The following DAB1 variants were observed in gnomAD, a reference collection of about 807,000 sequenced individuals.
The protein encoded by DAB1 is DAB adaptor protein 1.
DAB1 carries 15 observed loss-of-function variants against 64.6 expected under a neutral mutation model. That is an observed-to-expected ratio of 0.23 (90% CI 0.16 to 0.36). The LOEUF is 0.36. Among genes scored for constraint, DAB1 ranks in the 10% least tolerant of loss-of-function variants. The pLI is 1.00. For missense variants in DAB1, 596 were observed against 706.7 expected, an observed-to-expected ratio of 0.84 and a Z score of 1.78; for synonymous variants, 235 against 251.9, an observed-to-expected ratio of 0.93 and a Z score of 0.64.
chr1:57,357,761 G>C (rs902257374), intron 1 of DAB1, among the ~76,000 whole-genome samples: 1 of 151,862 alleles, frequency 6.6e-6, no homozygotes, highest in Non-Finnish European at 1.5e-5. Context: ...CGGCAGGAGA[G>C]AGAAATGCCA....
chr1:58,444,730 G>C (rs546882396), intron 3 of DAB1, among the ~76,000 whole-genome samples: 26 of 152,300 alleles, frequency 1.7e-4, no homozygotes, highest in South Asian at 2.1e-4. Context: ...GGCACAGAAA[G>C]AAGAAAACTA....
At chr1:57,493,214 G>C (rs191506357) in intron 7 of DAB1, among the ~76,000 whole-genome samples, 1 of 152,132 alleles carries the variant, frequency 6.6e-6, no homozygotes, top group Admixed American at 6.5e-5. Flanking sequence ...GTGGCATTAA[G>C]TACATTCACA....
chr1:57,870,609 T>C (rs943378476), intron 1 of DAB1, among the ~76,000 whole-genome samples: 3 of 152,116 alleles, frequency 2.0e-5, no homozygotes, highest in African/African-American at 4.8e-5. Context: ...ATATTATGCA[T>C]ATAAGAATGC....
At chr1:57,005,817 A>G (rs1242080903) in intron 14 of DAB1, among the ~76,000 whole-genome samples, 1 of 152,214 alleles carries the variant, frequency 6.6e-6, no homozygotes, top group Non-Finnish European at 1.5e-5. Context: ...CCTTGTCTGC[A>G]ATATTTGTGA....
intron 5 of DAB1, among the ~76,000 whole-genome samples, chr1:58,013,071 G>A (rs956146221): frequency 1.3e-5 from 2 of 152,156 alleles, no homozygotes; most frequent in African/African-American, 4.8e-5. Context: ...TAAGGGTCCT[G>A]TAACTGGGTT....
At chr1:58,233,818 T>A (rs552069404) in intron 4 of DAB1, among the ~76,000 whole-genome samples, 4 of 152,296 alleles carry the variant, frequency 2.6e-5, no homozygotes, top group African/African-American at 9.6e-5. Context: ...CTAGAACACA[T>A]GACAGTTTCT....
intron 5 of DAB1, among the ~76,000 whole-genome samples, chr1:58,081,385 C>T (rs560438534): frequency 6.6e-6 from 1 of 152,272 alleles, no homozygotes; most frequent in African/African-American, 2.4e-5. Context: ...CCTCTCAGTT[C>T]ATCTGTCATC....
intron 1 of DAB1, among the ~76,000 whole-genome samples, chr1:57,842,316 C>T (rs949680803): frequency 3.9e-5 from 6 of 152,188 alleles, no homozygotes; most frequent in South Asian, 2.1e-4. Context: ...AACCAATCAA[C>T]GAGTCTCTAG....
At chr1:57,835,976 G>A (rs890933186) in intron 1 of DAB1, among the ~76,000 whole-genome samples, 1 of 152,172 alleles carries the variant, frequency 6.6e-6, no homozygotes, top group Admixed American at 6.5e-5. Context: ...TGAAGGAATA[G>A]TGATTCCAGG....
chr1:58,330,946 G>T (rs1662955559), intron 4 of DAB1, among the ~76,000 whole-genome samples: 1 of 152,176 alleles, frequency 6.6e-6, no homozygotes, highest in African/African-American at 2.4e-5. Context: ...ATTGATGAAG[G>T]AATGATTTTG....
chr1:57,249,265 A>G (rs753744667), intron 2 of DAB1, among the ~76,000 whole-genome samples: 1 of 152,162 alleles, frequency 6.6e-6, no homozygotes, highest in Non-Finnish European at 1.5e-5. Context: ...ACCCCATCCT[A>G]TTGAGTATCA....
intron 2 of DAB1, among the ~76,000 whole-genome samples, chr1:57,214,948 AAAAAC>A (rs765405735): frequency 1.3e-5 from 2 of 151,564 alleles, no homozygotes; most frequent in African/African-American, 2.4e-5. Context: ...AAAAGGCAAG[AAAAAC>A]AAAACAAAAC....
chr1:57,011,596 T>C (rs916584543), intron 12 of DAB1, among the ~76,000 whole-genome samples: 2 of 152,222 alleles, frequency 1.3e-5, no homozygotes, highest in Non-Finnish European at 2.9e-5. Flanking sequence ...ATCTACTGAA[T>C]CACAGACTCT....
At chr1:58,454,053 T>C (rs1276739623) in intron 3 of DAB1, among the ~76,000 whole-genome samples, 1 of 152,104 alleles carries the variant, frequency 6.6e-6, no homozygotes, top group Admixed American at 6.6e-5. Context: ...AAGTTTTCGA[T>C]ACCAAATCTT....
chr1:58,287,693 G>A (rs983090966), intron 4 of DAB1, among the ~76,000 whole-genome samples: 3 of 152,046 alleles, frequency 2.0e-5, no homozygotes, highest in African/African-American at 7.2e-5. Context: ...TATTCTATTG[G>A]TCAAGCAAGT....
rs1207612406 is a variant in DAB1 at position 57,632,368 on chromosome 1, A to G, written n.625+17224T>C. ...GTGTGAAATTTGGTGTGTGTTTATC[A>G]TGAGTGGACTTCCAGTTTAACATGA... On this transcript the variant is annotated intron_variant and non_coding_transcript_variant, in intron 7 of 20. Transcript: ENST00000485760. Among the ~76,000 whole-genome samples, 2 of 152,208 alleles carry G rather than the reference A, an allele frequency of 1.3e-5. 1 individual carries two copies. The highest frequency in any genetic ancestry group is 1.3e-4 in the Admixed American group (2 of 15,286).
intron 4 of DAB1, among the ~76,000 whole-genome samples, chr1:58,201,090 C>A (rs1409250115): frequency 1.3e-5 from 2 of 149,502 alleles, no homozygotes; most frequent in Non-Finnish European, 3.0e-5. Flanking sequence ...GATCTCGGCT[C>A]ACTGCAAGCT....
chr1:58,495,235 C>A (rs908250583), intron 3 of DAB1, among the ~76,000 whole-genome samples: 2 of 152,016 alleles, frequency 1.3e-5, no homozygotes, highest in African/African-American at 2.4e-5. Flanking sequence ...CACATGGACA[C>A]AGGAAGGGGA....
chr1:57,104,776 C>T (rs147926048), intron 4 of DAB1, among the ~76,000 whole-genome samples: 4 of 152,046 alleles, frequency 2.6e-5, no homozygotes, highest in African/African-American at 4.8e-5. Flanking sequence ...AATATATGAA[C>T]TGTAGAAGAA....
Sources: allele counts gnomAD v4.1 joint callset (sites outside exome capture counted in the v4.1 genomes callset), GRCh38; gene constraint gnomAD v4.1.1; transcripts MANE v1.5; gene names NCBI Gene and HGNC (gene_info 2026-07-23, HGNC 2026-07-21).